PXYLP1: variants seen among roughly 807,000 people sequenced by gnomAD.
PXYLP1 encodes 2-phosphoxylose phosphatase 1.
In PXYLP1, 17 loss-of-function variants were observed where a neutral mutation model predicts 37.9. The observed-to-expected ratio is 0.45, with a 90% CI of 0.31 to 0.67. The LOEUF (loss-of-function observed/expected upper bound fraction) is 0.67. PXYLP1 is among the 30% of genes least tolerant of loss of function. The probability of loss-of-function intolerance (pLI) is 0.07; values close to 1 mark genes in which losing one functional copy is unlikely to be tolerated. For missense variants in PXYLP1, 511 were observed against 612.0 expected (o/e 0.84, Z 1.74); for synonymous variants, 221 against 232.2 (o/e 0.95, Z 0.44).
At position 141,293,519 on chromosome 3, in the gene PXYLP1, C is replaced by G; in HGVS notation, c.*314C>G. 1 of 290,150 alleles carries G rather than the reference C, an allele frequency of 3.4e-6. No homozygotes were observed. The highest frequency in any genetic ancestry group is 8.0e-5 in the South Asian group (1 of 12,508). The allele number at this position is 290,150 out of a possible 1,614,324, so 18.0% of individuals were successfully genotyped here. A position where few individuals can be genotyped will look rare whatever the true frequency, so the allele number is the denominator to read the frequency against. ...CAATCCAAGTTTGCACTCTTCTGGC[C>G]TGCCCCATGTTACTATGTGATGGAA... On this transcript the variant is annotated 3_prime_UTR_variant, in exon 6 of 6. Transcript: ENST00000286353.
intron 1 of PXYLP1, among the ~76,000 whole-genome samples, chr3:141,246,022 TC>T (rs1559880471): frequency 6.6e-6 from 1 of 152,202 alleles, no homozygotes; most frequent in African/African-American, 2.4e-5. Flanking sequence ...CTCTAGTTCT[TC>T]CCCCGACTGA....
chr3:141,232,846 A>C (rs1408162244), intron 1 of PXYLP1, among the ~76,000 whole-genome samples: 3 of 152,148 alleles, frequency 2.0e-5, no homozygotes, highest in Non-Finnish European at 4.4e-5. Context: ...CTCTGTAGTG[A>C]GTGAGGTTAT....
chr3:141,284,609 G>C (rs1018800430), intron 4 of PXYLP1, among the ~76,000 whole-genome samples: 1 of 152,110 alleles, frequency 6.6e-6, no homozygotes, highest in South Asian at 2.1e-4. Flanking sequence ...TATGTAAAAT[G>C]GTGTTGTATT....
intron 4 of PXYLP1, among the ~76,000 whole-genome samples, chr3:141,280,251 G>T (rs147771790): frequency 5.3e-5 from 8 of 152,370 alleles, no homozygotes; most frequent in Middle Eastern, 6.8e-3. Context: ...TTGATGGAAT[G>T]CTTCTGGGAT....
chr3:141,290,508 G>C (rs1942177826), intron 5 of PXYLP1, among the ~76,000 whole-genome samples: 1 of 152,202 alleles, frequency 6.6e-6, no homozygotes, highest in African/African-American at 2.4e-5. Context: ...CTTGACCAGG[G>C]AGAAGAAGAA....
In PXYLP1 at chr3:141,278,501, G is replaced by A. The variant is rs1941861120; in HGVS notation, c.238+1G>A. 6.2e-7 allele frequency: 1 copy of A among 1,614,050 alleles called. No homozygotes were observed. Among genetic ancestry groups the A allele is most frequent in the Admixed American group, 1.7e-5 (1 of 60,010 alleles). On this transcript the variant is annotated splice_donor_variant, in intron 3 of 5. Coordinates refer to ENST00000286353, the MANE Select transcript of PXYLP1 (RefSeq NM_001037172.3). LOFTEE classifies it high-confidence loss of function. ...AGCGTGGCCGAGCGCAGCATGGAAG[G>A]TAGGCCTGACTGTGCCACCAGGACA...
In PXYLP1 at chr3:141,233,542, A is replaced by G. The variant is rs114282928; in HGVS notation, c.-54+1631A>G. Among the ~76,000 whole-genome samples the G allele has an allele frequency of 5.7e-3, 864 of 150,646 alleles. 9 individuals carry two copies. The highest frequency in any genetic ancestry group is 0.032 in the South Asian group (153 of 4,712). ...CACGGGACAGCCTGAAAGCCAGTGT[A>G]TGAATCTGCCCCATCCCTTCTCCTG... On this transcript the variant is annotated intron_variant, in intron 1 of 5. Transcript: ENST00000286353.
intron 1 of PXYLP1, 80 bp from the exon 2 acceptor site, chr3:141,260,043 G>A (rs1186082657): frequency 2.0e-6 from 2 of 976,268 alleles, no homozygotes; most frequent in South Asian, 3.1e-5. Context: ...ATTATCAGTT[G>A]ACAAGTTTGG....
chr3:141,289,847 G>A (rs942134038), intron 5 of PXYLP1, among the ~76,000 whole-genome samples: 3 of 152,206 alleles, frequency 2.0e-5, no homozygotes, highest in Admixed American at 2.0e-4. Flanking sequence ...GAGGGCGCCA[G>A]TCTCTGGATC....
intron 1 of PXYLP1, among the ~76,000 whole-genome samples, chr3:141,235,705 G>A (rs1318493583): frequency 6.6e-6 from 1 of 152,208 alleles, no homozygotes; most frequent in Non-Finnish European, 1.5e-5. Flanking sequence ...AGCCTTGCAG[G>A]TAAACGACGG....
In PXYLP1 at chr3:141,274,453, C is replaced by T. The variant is rs1488379886; in HGVS notation, c.80-3889C>T. 5 of 1,495,862 alleles carry T rather than the reference C, an allele frequency of 3.3e-6. No homozygotes were observed. The African/African-American group carries it at 5.5e-5, about 17-fold the overall frequency. The allele number at this position is 1,495,862 out of a possible 1,614,324, so 92.7% of individuals were successfully genotyped here. A position where few individuals can be genotyped will look rare whatever the true frequency, so the allele number is the denominator to read the frequency against. On this transcript the variant is annotated intron_variant, in intron 2 of 5. Transcript: ENST00000286353. Reference sequence around the variant, plus strand: ...CCTCTGCTCCTCTCCTCTTCCCCTCCACACAGCCAGCTTCATCAGTTTTTC... The same window carrying T: ...CCTCTGCTCCTCTCCTCTTCCCCTCTACACAGCCAGCTTCATCAGTTTTTC...
chr3:141,243,252 G>A (rs981476474), intron 1 of PXYLP1, among the ~76,000 whole-genome samples: 3 of 152,196 alleles, frequency 2.0e-5, no homozygotes, highest in Non-Finnish European at 4.4e-5. Context: ...GGAGGTTGGA[G>A]GGTGTCTTCC....
chr3:141,278,546 G>C, intron 3 of PXYLP1, 46 bp downstream of exon 3: 1 of 1,606,174 alleles, frequency 6.2e-7, no homozygotes, highest in Non-Finnish European at 8.5e-7. Context: ...TTGGGGACTA[G>C]TTATTCCAGC....
intron 1 of PXYLP1, among the ~76,000 whole-genome samples, chr3:141,232,678 C>CAG (rs748328605): frequency 2.1e-3 from 318 of 151,800 alleles, no homozygotes; most frequent in South Asian, 0.016. Context: ...CACACACACA[C>CAG]ACAGAGAGAG....
chr3:141,249,940 C>A (rs1034568170), intron 1 of PXYLP1, among the ~76,000 whole-genome samples: 2 of 151,694 alleles, frequency 1.3e-5, no homozygotes, highest in African/African-American at 4.8e-5. Flanking sequence ...GATGCCTTGA[C>A]AAGTTTATCC....
chr3:141,237,709 A>C (rs1034290551), intron 1 of PXYLP1, among the ~76,000 whole-genome samples: 1 of 152,238 alleles, frequency 6.6e-6, no homozygotes, highest in Non-Finnish European at 1.5e-5. Flanking sequence ...TGATGGATAC[A>C]GGATAATAGT....
intron 2 of PXYLP1, among the ~76,000 whole-genome samples, 166 bp downstream of exon 2, chr3:141,260,420 C>T (rs191988003): frequency 2.0e-5 from 3 of 152,202 alleles, no homozygotes; most frequent in Non-Finnish European, 4.4e-5. Context: ...CCTAAACCAC[C>T]GAGCAGTGTT....
intron 1 of PXYLP1, among the ~76,000 whole-genome samples, chr3:141,255,938 A>G (rs1257381626): frequency 6.6e-6 from 1 of 152,198 alleles, no homozygotes; most frequent in East Asian, 1.9e-4. Flanking sequence ...AGGGCAAGGC[A>G]GGGACACAAC....
intron 1 of PXYLP1, among the ~76,000 whole-genome samples, chr3:141,251,192 C>T (rs1319665480): frequency 6.6e-6 from 1 of 152,234 alleles, no homozygotes; most frequent in Non-Finnish European, 1.5e-5. Flanking sequence ...AGATTAATTT[C>T]TCTCACCCAA....
Sources: gnomAD v4.1 joint callset for allele counts (sites outside exome capture counted in the v4.1 genomes callset) on GRCh38, gnomAD v4.1.1 for gene constraint, MANE v1.5 for transcripts, NCBI Gene and HGNC (gene_info 2026-07-23, HGNC 2026-07-21) for gene names.